The following ALDH9A1 variants were observed in gnomAD, a reference collection of about 807,000 sequenced individuals.
ALDH9A1 encodes 4-trimethylaminobutyraldehyde dehydrogenase.
In ALDH9A1, 42 loss-of-function variants were observed where a neutral mutation model predicts 56.6. That is an observed-to-expected ratio of 0.74 (90% CI 0.58 to 0.96). The LOEUF (loss-of-function observed/expected upper bound fraction) is 0.96. Among genes scored for constraint, ALDH9A1 ranks in the 40% least tolerant of loss-of-function variants. The probability of loss-of-function intolerance (pLI) is 0.00; values close to 1 mark genes in which losing one functional copy is unlikely to be tolerated. For missense variants in ALDH9A1, 661 were observed against 651.5 expected, an observed-to-expected ratio of 1.01 and a Z score of -0.16; for synonymous variants, 242 against 236.0, an observed-to-expected ratio of 1.03 and a Z score of -0.23.
Position 165,683,123 on chromosome 1 carries a change from C to T in ALDH9A1, c.328-13G>A. 1.2e-6 allele frequency: 2 copies of T among 1,613,304 alleles called. No individual in the cohort carries two copies. Among genetic ancestry groups the T allele is most frequent in the Non-Finnish European group, 1.7e-6 (2 of 1,179,416 alleles). The stretch of plus-strand genomic sequence containing the variant: ...CATCCTCCCGTTCCTTTGGGTAAAG[C>T]AGAAGACTAGATTTAAGACATATTC... On this transcript the variant is annotated splice_polypyrimidine_tract_variant and intron_variant, in intron 2 of 10. Coordinates refer to ENST00000354775, the MANE Select transcript of ALDH9A1 (RefSeq NM_000696.4).
intron 5 of ALDH9A1, among the ~76,000 whole-genome samples, 190 bp downstream of exon 5, chr1:165,680,297 A>T (rs1247743041): frequency 6.6e-6 from 1 of 152,044 alleles, no homozygotes; most frequent in Admixed American, 6.6e-5. Context: ...AAATCACCCC[A>T]TGTGTACTCC....
intron 2 of ALDH9A1, among the ~76,000 whole-genome samples, chr1:165,691,186 C>CATTTGCTGTTCTGCAAT (rs1349062867): frequency 2.6e-5 from 4 of 152,240 alleles, no homozygotes; most frequent in African/African-American, 9.6e-5. Context: ...CAGGCAGCAA[C>CATTTGCTGTTCTGCAAT]ATTTGCTGTT....
intron 5 of ALDH9A1, among the ~76,000 whole-genome samples, 181 bp from the exon 6 acceptor site, chr1:165,679,763 C>T (rs1354031002): frequency 6.6e-6 from 1 of 152,112 alleles, no homozygotes; most frequent in Non-Finnish European, 1.5e-5. Context: ...GAAGAGAATC[C>T]ACAGAGTTGC....
chr1:165,696,221 A>G, intron 1 of ALDH9A1, among the ~76,000 whole-genome samples: 1 of 152,178 alleles, frequency 6.6e-6, no homozygotes, highest in East Asian at 1.9e-4. Flanking sequence ...ACCTCTCTCC[A>G]GAAAAATCTA....
chr1:165,675,617 TA>T (rs910513142), intron 6 of ALDH9A1, among the ~76,000 whole-genome samples: 2 of 152,282 alleles, frequency 1.3e-5, no homozygotes, highest in Admixed American at 6.5e-5. Context: ...TCTGTTTTTG[TA>T]AAATTCTGAT....
intron 2 of ALDH9A1, among the ~76,000 whole-genome samples, chr1:165,691,575 T>C (rs1001007804): frequency 1.3e-5 from 2 of 152,088 alleles, no homozygotes; most frequent in Admixed American, 6.5e-5. Flanking sequence ...AGATCGGTAA[T>C]AACAAACTTC....
At chr1:165,693,537 A>T (rs1481976870) in intron 2 of ALDH9A1, among the ~76,000 whole-genome samples, 1 of 152,232 alleles carries the variant, frequency 6.6e-6, no homozygotes, top group Admixed American at 6.5e-5. Flanking sequence ...ACCAGTTAGA[A>T]TGGCAATCAT....
chr1:165,693,047 CT>C (rs965846389), intron 2 of ALDH9A1, among the ~76,000 whole-genome samples: 22 of 151,836 alleles, frequency 1.4e-4, no homozygotes, highest in African/African-American at 5.3e-4. Context: ...TTCCTTACAC[CT>C]TATACAAAAA....
rs915314158 is a variant in ALDH9A1, at chr1:165,677,881, T to C, written c.930+1561A>G. Among the ~76,000 whole-genome samples, 138 of 136,628 alleles carry C rather than the reference T, an allele frequency of 1.0e-3. 1 individual carries two copies. The highest frequency in any genetic ancestry group is 3.6e-3 in the African/African-American group (131 of 36,292). The allele number at this position is 136,628 out of a possible 152,430, so 89.6% of individuals were successfully genotyped here. ...TCAAAAAAAAAAAAAAAAAAAAAAT[T>C]AGCCAGCCGTGGTGGCACACACCTG... On this transcript the variant is annotated intron_variant, in intron 6 of 10. Coordinates refer to ENST00000354775, the MANE Select transcript of ALDH9A1 (RefSeq NM_000696.4).
chr1:165,688,091 A>G (rs1157161120), intron 2 of ALDH9A1, among the ~76,000 whole-genome samples: 1 of 152,140 alleles, frequency 6.6e-6, no homozygotes, highest in Non-Finnish European at 1.5e-5. Flanking sequence ...CTGAGGCAGG[A>G]GGATGACTTG....
At chr1:165,687,550 C>T (rs74906917) in intron 2 of ALDH9A1, among the ~76,000 whole-genome samples, 2,505 of 152,040 alleles carry the variant, frequency 0.016, 70 homozygotes, top group African/African-American at 0.057. Flanking sequence ...TGAAACAATA[C>T]AAATCAGAAG....
In ALDH9A1 at chr1:165,679,450, G is replaced by A; in HGVS notation, c.922C>T (p.Gln308Ter). 1 of 1,614,140 alleles carries A rather than the reference G, an allele frequency of 6.2e-7. No individual in the cohort carries two copies. Among genetic ancestry groups the A allele is most frequent in the Non-Finnish European group, 8.5e-7 (1 of 1,179,996 alleles). Residue 308 changes from glutamine to a stop codon, truncating the protein, a stop_gained, in exon 6 of 11, where the codon CAA becomes TAA. Coordinates refer to ENST00000354775, the MANE Select transcript of ALDH9A1 (RefSeq NM_000696.4). LOFTEE classifies it high-confidence loss of function. ...KGALMANFLT[Q>*]GQVCCNGTRV... The stretch of plus-strand genomic sequence containing the variant: ...CAGGGACAGGTACATACCTGGCCTT[G>A]TGTGAGGAAGTTGGCCATCAGCGCC...
In ALDH9A1 at chr1:165,680,394, CAA is replaced by C. The variant is rs55747724; in HGVS notation, c.789+91_789+92del. The C allele has an allele frequency of 8.7e-3, 11,974 of 1,372,418 alleles. 69 individuals are homozygous for C. Among genetic ancestry groups the C allele is most frequent in the Non-Finnish European group, 0.01 (10,422 of 993,254 alleles). 85.0% of individuals were successfully genotyped at this position (1,372,418 alleles called of 1,614,324 possible). Reference sequence around the variant, plus strand: ...ATTCCCAATTCAGGCTAGGTAAAATCAAAAGAGAAGCCTCCAAAATATACTCT... The same window carrying C: ...ATTCCCAATTCAGGCTAGGTAAAATCAAGAGAAGCCTCCAAAATATACTCT... On this transcript the variant is annotated intron_variant, in intron 5 of 10. Coordinates refer to ENST00000354775, the MANE Select transcript of ALDH9A1 (RefSeq NM_000696.4).
chr1:165,695,997 G>A (rs1320261866), intron 1 of ALDH9A1, among the ~76,000 whole-genome samples: 4 of 151,860 alleles, frequency 2.6e-5, no homozygotes, highest in African/African-American at 7.3e-5. Flanking sequence ...GATTACAGGC[G>A]CCTGCCACCA....
intron 2 of ALDH9A1, among the ~76,000 whole-genome samples, chr1:165,686,188 T>C (rs1408337880): frequency 6.6e-6 from 1 of 152,058 alleles, no homozygotes; most frequent in Non-Finnish European, 1.5e-5. Context: ...ACATCAGACA[T>C]TAAGCAACTC....
intron 2 of ALDH9A1, among the ~76,000 whole-genome samples, chr1:165,690,824 A>T (rs1461696406): frequency 1.3e-5 from 2 of 152,204 alleles, no homozygotes; most frequent in Non-Finnish European, 2.9e-5. Flanking sequence ...GGCGTCTGCC[A>T]TTCCTGAGGC....
At chr1:165,668,614 A>C (rs534355492) in intron 8 of ALDH9A1, 21 of 213,368 alleles carry the variant, frequency 9.8e-5, no homozygotes, top group Non-Finnish European at 1.8e-4. Context: ...CATGAAAAAC[A>C]TTCTTTATTT....
intron 2 of ALDH9A1, among the ~76,000 whole-genome samples, chr1:165,686,668 A>C (rs954335733): frequency 6.6e-6 from 1 of 152,174 alleles, no homozygotes; most frequent in Non-Finnish European, 1.5e-5. Context: ...ATCTAAAAGC[A>C]AATCTTCCAA....
chr1:165,688,833 A>T (rs1011869708), intron 2 of ALDH9A1, among the ~76,000 whole-genome samples: 3 of 152,218 alleles, frequency 2.0e-5, no homozygotes, highest in African/African-American at 7.2e-5. Context: ...AATTGGGGTG[A>T]AGGCAGGTTC....
Sources: gnomAD v4.1 joint callset for allele counts (sites outside exome capture counted in the v4.1 genomes callset) on GRCh38, gnomAD v4.1.1 for gene constraint, MANE v1.5 for transcripts, NCBI Gene and HGNC (gene_info 2026-07-23, HGNC 2026-07-21) for gene names.